Variants in RBM17 observed in about 807,000 individuals in gnomAD.
RBM17 encodes the protein splicing factor 45.
RBM17 carries 7 observed loss-of-function variants against 53.2 expected under a neutral mutation model. That is an observed-to-expected ratio of 0.13 (90% CI 0.07 to 0.25). The LOEUF (loss-of-function observed/expected upper bound fraction) is 0.25, where lower values mean the gene tolerates loss of function less well. RBM17 is among the 10% of genes least tolerant of loss of function. The pLI is 1.00. For missense variants in RBM17, 257 were observed against 496.7 expected, an observed-to-expected ratio of 0.52 and a Z score of 4.59; for synonymous variants, 167 against 178.1, an observed-to-expected ratio of 0.94 and a Z score of 0.50.
chr10:6,107,074 C>T (rs12778662), intron 5 of RBM17, among the ~76,000 whole-genome samples: 9,540 of 152,302 alleles, frequency 0.063, 438 homozygotes, highest in Middle Eastern at 0.15. Flanking sequence ...GAAGGTTTTA[C>T]TCAGGTTCAT....
intron 7 of RBM17, among the ~76,000 whole-genome samples, chr10:6,110,850 C>A (rs1564569485): frequency 6.6e-6 from 1 of 152,168 alleles, no homozygotes; most frequent in Non-Finnish European, 1.5e-5. Flanking sequence ...GCTCAGTGAC[C>A]ACATGCAAGT....
chr10:6,104,865 C>T, intron 3 of RBM17, 66 bp from the exon 4 acceptor site: 1 of 1,415,182 alleles, frequency 7.1e-7, no homozygotes, highest in Non-Finnish European at 9.9e-7. Context: ...ACGCTTTGAC[C>T]TGAATCCTGT....
chr10:6,108,193 T>G (rs866107895), intron 5 of RBM17, among the ~76,000 whole-genome samples: 3 of 152,188 alleles, frequency 2.0e-5, no homozygotes, highest in Admixed American at 6.5e-5. Flanking sequence ...GGGGGAGATA[T>G]GGCAACGCAG....
At chr10:6,091,220 G>A (rs1444536082) in intron 1 of RBM17, among the ~76,000 whole-genome samples, 1 of 150,890 alleles carries the variant, frequency 6.6e-6, no homozygotes, top group African/African-American at 2.4e-5. Context: ...AACCATGCTC[G>A]GCCAATTTTT....
At chr10:6,110,326 G>A (rs11597633) in intron 7 of RBM17, among the ~76,000 whole-genome samples, 199 bp downstream of exon 7, 10,673 of 152,250 alleles carry the variant, frequency 0.07, 487 homozygotes, top group Non-Finnish European at 0.1. Context: ...CCTCCCAGTA[G>A]AAGTTTTGAC....
In RBM17 at chr10:6,117,129, ATTGT is replaced by A. The variant is rs1461484860; in HGVS notation, c.*1577_*1580del. The A allele has an allele frequency of 1.3e-5, 2 of 152,320 alleles. No homozygotes were observed. Among genetic ancestry groups the A allele is most frequent in the African/African-American group, 2.4e-5 (1 of 41,444 alleles). 9.4% of individuals were successfully genotyped at this position (152,320 alleles called of 1,614,324 possible). A position where few individuals can be genotyped will look rare whatever the true frequency, so the allele number is the denominator to read the frequency against. The stretch of plus-strand genomic sequence containing the variant: ...TTATTGTTGTTATGCTTTGTAAAAC[ATTGT>A]TTGCACCTAAATGGGTGGCTTTTCC... On this transcript the variant is annotated 3_prime_UTR_variant, in exon 12 of 12. Coordinates refer to ENST00000379888, the MANE Select transcript of RBM17 (RefSeq NM_032905.5).
intron 2 of RBM17, among the ~76,000 whole-genome samples, chr10:6,097,414 G>A (rs112911050): frequency 1.3e-5 from 2 of 152,132 alleles, no homozygotes; most frequent in South Asian, 2.1e-4. Flanking sequence ...AGTACTCTGC[G>A]GGGGCTGGGC....
At chr10:6,093,394 T>A (rs1840518520) in intron 1 of RBM17, among the ~76,000 whole-genome samples, 2 of 152,150 alleles carry the variant, frequency 1.3e-5, no homozygotes, top group South Asian at 4.1e-4. Flanking sequence ...TAGTTTTATA[T>A]TTTTAATAGA....
At chr10:6,095,115 T>G (rs1259925599) in intron 1 of RBM17, among the ~76,000 whole-genome samples, 1 of 152,226 alleles carries the variant, frequency 6.6e-6, no homozygotes, top group Non-Finnish European at 1.5e-5. Context: ...GCTTCAGGCC[T>G]GTCACGAGAC....
chr10:6,115,288 A>G lies in RBM17; in HGVS notation c.1079A>G (p.Glu360Gly). The G allele has an allele frequency of 6.2e-7, 1 of 1,613,614 alleles. No individual in the cohort carries two copies. The highest frequency in any genetic ancestry group is 8.5e-7 in the Non-Finnish European group (1 of 1,179,660). Reference sequence around the variant, plus strand: ...GCAGTACGGATATTTTTAGAATTTGAGAGAGTTGAATCAGCAATTAAAGGT... The same window carrying G: ...GCAGTACGGATATTTTTAGAATTTGGGAGAGTTGAATCAGCAATTAAAGGT... ...DEAVRIFLEF[E>G]RVESAIKAVV... Residue 360 changes from glutamate to glycine, a missense_variant, in exon 11 of 12, where the codon GAG becomes GGG. Coordinates refer to ENST00000379888, the MANE Select transcript of RBM17 (RefSeq NM_032905.5).
At position 6,115,350 on chromosome 10, in the gene RBM17, G is replaced by A. The variant is rs199937208; in HGVS notation, c.1102+39G>A. On this transcript the variant is annotated intron_variant, in intron 11 of 11. Coordinates refer to ENST00000379888, the MANE Select transcript of RBM17 (RefSeq NM_032905.5). ...CTAAATATTAAAGAATAAAAAAGTT[G>A]AATTTACAGCCTTAATCTTTACAAG... 1.3e-4 allele frequency: 197 copies of A among 1,561,846 alleles called. 1 individual carries two copies. Among genetic ancestry groups the A allele is most frequent in the Middle Eastern group, 8.4e-4 (5 of 5,952 alleles).
intron 4 of RBM17, among the ~76,000 whole-genome samples, chr10:6,105,667 T>C (rs756049092): frequency 6.6e-6 from 1 of 152,366 alleles, no homozygotes; most frequent in East Asian, 1.9e-4. Flanking sequence ...AAAATTCATA[T>C]GCAGCTTTTA....
intron 1 of RBM17, among the ~76,000 whole-genome samples, chr10:6,095,636 TTTAG>T (rs752992096): frequency 6.6e-6 from 1 of 152,052 alleles, no homozygotes; most frequent in Non-Finnish European, 1.5e-5. Context: ...ATGGAGAGGT[TTTAG>T]TTAATTTGAG....
intron 2 of RBM17, among the ~76,000 whole-genome samples, chr10:6,100,281 G>A (rs1336672584): frequency 6.6e-6 from 1 of 152,170 alleles, no homozygotes; most frequent in Non-Finnish European, 1.5e-5. Context: ...CTAATCAAAA[G>A]ATCTAATGGT....
chr10:6,102,432 G>A (rs956942365), intron 3 of RBM17, among the ~76,000 whole-genome samples: 4 of 152,146 alleles, frequency 2.6e-5, no homozygotes, highest in African/African-American at 7.2e-5. Context: ...TGAGGGGAGC[G>A]GGTGCTGTTC....
At chr10:6,113,395 G>T in intron 8 of RBM17, 113 bp from the exon 9 acceptor site, 1 of 717,160 alleles carries the variant, frequency 1.4e-6, no homozygotes, top group East Asian at 2.6e-5. Context: ...CATAAATGGT[G>T]GGGATCGCTA....
rs1840858461 is a variant in RBM17, at chr10:6,112,675, T to C, written c.856+314T>C. 2.5e-6 allele frequency: 1 copy of C among 396,760 alleles called. No homozygotes were observed. 24.6% of individuals were successfully genotyped at this position (396,760 alleles called of 1,614,324 possible). The stretch of plus-strand genomic sequence containing the variant: ...ATGAGTAGTCCTCAGGAAGAAATCT[T>C]GGTTATGTGTTTAGAGCATGAAGGA... On this transcript the variant is annotated intron_variant, in intron 8 of 11. Transcript: ENST00000379888. This position sits in a 1 kb window ranked among gnomAD's most constrained non-coding sequence, Gnocchi z 4.4.
At chr10:6,104,114 G>T (rs1433503919) in intron 3 of RBM17, among the ~76,000 whole-genome samples, 1 of 152,180 alleles carries the variant, frequency 6.6e-6, no homozygotes, top group Non-Finnish European at 1.5e-5. Context: ...AGGAAAGTGG[G>T]GTCAGGGCTT....
At chr10:6,101,071 G>GA (rs1840663007) in intron 2 of RBM17, among the ~76,000 whole-genome samples, 200 bp from the exon 3 acceptor site, 1 of 152,088 alleles carries the variant, frequency 6.6e-6, no homozygotes, top group Admixed American at 6.5e-5. Context: ...CAGAAATGGA[G>GA]AAAATCTCAT....
Sources: allele counts gnomAD v4.1 joint callset (sites outside exome capture counted in the v4.1 genomes callset), GRCh38; gene constraint gnomAD v4.1.1; non-coding constraint Gnocchi (gnomAD v3.1); transcripts MANE v1.5; gene names NCBI Gene and HGNC (gene_info 2026-07-23, HGNC 2026-07-21).